Variants in TTC28 observed in about 807,000 individuals in gnomAD.
TTC28 encodes tetratricopeptide repeat protein 28.
TTC28 carries 61 observed loss-of-function variants against 198.0 expected under a neutral mutation model. The ratio of observed to expected loss-of-function variants is 0.31; its 90% CI spans 0.25 to 0.38. The LOEUF (loss-of-function observed/expected upper bound fraction) is 0.38. Ranked by LOEUF, TTC28 falls within the 10% of genes least tolerant of loss-of-function variation. The pLI is 1.00. For synonymous variants in TTC28, 1,171 were observed against 1,297.8 expected (o/e 0.90, Z 2.10); for missense variants, 2,678 against 3,164.0 (o/e 0.85, Z 3.69).
intron 6 of TTC28, among the ~76,000 whole-genome samples, chr22:28,120,122 T>C (rs1488522294): frequency 6.6e-6 from 1 of 152,092 alleles, no homozygotes; most frequent in African/African-American, 2.4e-5. Context: ...ATAATGATAA[T>C]ATACAAAATT....
intron 12 of TTC28, among the ~76,000 whole-genome samples, chr22:28,066,296 G>A: frequency 6.6e-6 from 1 of 151,026 alleles, no homozygotes; most frequent in Non-Finnish European, 1.5e-5. Flanking sequence ...GTGTGTGTGT[G>A]TGTGTGTGGT....
rs188139690 is a variant in TTC28, at chr22:28,373,491, T to A, written c.382-66848A>T. ...AGAGATAGTGAAGAAGTTCAGAATC[T>A]ACAGATTGCAACCACATCTTCAAAA... On this transcript the variant is annotated intron_variant, in intron 2 of 22. Transcript: ENST00000397906. 7.4e-3 allele frequency among the ~76,000 whole-genome samples: 1,130 copies of A among 152,306 alleles called. 15 individuals carry two copies. Among genetic ancestry groups the A allele is most frequent in the Non-Finnish European group, 7.9e-3 (540 of 68,036 alleles).
chr22:28,242,551 G>A (rs1929730559), intron 5 of TTC28, among the ~76,000 whole-genome samples: 1 of 152,118 alleles, frequency 6.6e-6, no homozygotes, highest in Non-Finnish European at 1.5e-5. Flanking sequence ...ATTGTAAATG[G>A]ACGTGGTTTA....
chr22:28,345,928 C>G (rs999657453), intron 2 of TTC28, among the ~76,000 whole-genome samples: 2 of 152,076 alleles, frequency 1.3e-5, no homozygotes, highest in Admixed American at 1.3e-4. Context: ...CTATAAGTAA[C>G]CTGAATCAGT....
intron 1 of TTC28, among the ~76,000 whole-genome samples, chr22:28,643,741 T>TA (rs1360850775): frequency 6.6e-6 from 1 of 152,222 alleles, no homozygotes; most frequent in Non-Finnish European, 1.5e-5. Context: ...GAGACTTTAA[T>TA]ATGTTAACGT....
At chr22:28,434,976 T>C (rs1192378956) in intron 2 of TTC28, among the ~76,000 whole-genome samples, 3 of 152,196 alleles carry the variant, frequency 2.0e-5, no homozygotes, top group Admixed American at 6.5e-5. Flanking sequence ...GCTGGAAATA[T>C]GGGTGCATTC....
chr22:28,192,012 C>T (rs1015192311), intron 5 of TTC28, among the ~76,000 whole-genome samples: 4 of 152,162 alleles, frequency 2.6e-5, no homozygotes, highest in African/African-American at 4.8e-5. Flanking sequence ...CCCTGACCGC[C>T]GAGTAGCCTA....
chr22:28,635,822 A>C (rs913062424), intron 1 of TTC28, among the ~76,000 whole-genome samples: 1 of 152,144 alleles, frequency 6.6e-6, no homozygotes, highest in African/African-American at 2.4e-5. Flanking sequence ...TGGTGAAAAT[A>C]CTTAAGATCT....
At chr22:28,256,003 T>G (rs1930884938) in intron 5 of TTC28, among the ~76,000 whole-genome samples, 1 of 151,824 alleles carries the variant, frequency 6.6e-6, no homozygotes, top group South Asian at 2.1e-4. Context: ...AAAGGAAGAG[T>G]GACTAGTCAG....
At chr22:28,636,211 T>C (rs1436634451) in intron 1 of TTC28, among the ~76,000 whole-genome samples, 1 of 136,062 alleles carries the variant, frequency 7.3e-6, no homozygotes, top group Non-Finnish European at 1.5e-5. Flanking sequence ...CTGCAAGCTC[T>C]GCTTCCTGGG....
chr22:28,037,254 C>T lies in TTC28; in HGVS notation c.3933-6888G>A, dbSNP rs1010690650. Reference sequence around the variant, plus strand: ...GGCCAATATCCCTGACGACCATCGACGCAAAAATCCTCAATAAAATACTGG... The same window carrying T: ...GGCCAATATCCCTGACGACCATCGATGCAAAAATCCTCAATAAAATACTGG... On this transcript the variant is annotated intron_variant, in intron 12 of 22. Coordinates refer to ENST00000397906, the MANE Select transcript of TTC28 (RefSeq NM_001145418.2). Among the ~76,000 whole-genome samples, 7 of 152,158 alleles carry T rather than the reference C, an allele frequency of 4.6e-5. No homozygotes were observed. In the East Asian group the frequency reaches 5.8e-4, roughly 13 times the overall value.
At chr22:28,166,719 AG>A (rs1241306268) in intron 5 of TTC28, among the ~76,000 whole-genome samples, 2 of 152,246 alleles carry the variant, frequency 1.3e-5, no homozygotes, top group Non-Finnish European at 2.9e-5. Flanking sequence ...AAGAGAAAGC[AG>A]GAAAGATCTA....
At chr22:28,600,490 CAAAAGT>C (rs1360057588) in intron 2 of TTC28, among the ~76,000 whole-genome samples, 3 of 152,082 alleles carry the variant, frequency 2.0e-5, no homozygotes, top group Non-Finnish European at 2.9e-5. Context: ...ATAGAGCATG[CAAAAGT>C]AAGTGTAAAA....
intron 5 of TTC28, among the ~76,000 whole-genome samples, chr22:28,209,462 T>C (rs1601479363): frequency 6.6e-6 from 1 of 152,194 alleles, no homozygotes; most frequent in East Asian, 1.9e-4. Flanking sequence ...TCCAACAGTC[T>C]TAGCAAATGG....
In TTC28 at chr22:28,571,676, G is replaced by A. The variant is rs190781511; in HGVS notation, c.381+57876C>T. On this transcript the variant is annotated intron_variant, in intron 2 of 22. Transcript: ENST00000397906. ...CATAATGTATACTCAGGCTGGGCACGGTGGTTCATGCCTGTAATCCCAACA... is the reference window on the plus strand; with the variant it reads ...CATAATGTATACTCAGGCTGGGCACAGTGGTTCATGCCTGTAATCCCAACA... 2.0e-3 allele frequency among the ~76,000 whole-genome samples: 304 copies of A among 152,254 alleles called. 3 individuals are homozygous for A. The highest frequency in any genetic ancestry group is 7.0e-3 in the African/African-American group (290 of 41,546).
chr22:28,226,629 T>C (rs368168296), intron 5 of TTC28, among the ~76,000 whole-genome samples: 8 of 152,284 alleles, frequency 5.3e-5, no homozygotes, highest in African/African-American at 1.9e-4. Context: ...GGTTTCACCA[T>C]GTTGGCCAGG....
At chr22:28,421,748 C>A (rs2047257228) in intron 2 of TTC28, among the ~76,000 whole-genome samples, 1 of 151,960 alleles carries the variant, frequency 6.6e-6, no homozygotes, top group Admixed American at 6.6e-5. Context: ...GAGATCGAGA[C>A]CATCCTGGCT....
chr22:28,004,124 C>T (rs926305430), intron 14 of TTC28, among the ~76,000 whole-genome samples: 5 of 152,342 alleles, frequency 3.3e-5, no homozygotes, highest in South Asian at 2.1e-4. Flanking sequence ...CCCAGGCTGA[C>T]GCTGGGCCCA....
chr22:28,038,137 A>C (rs953836433), intron 12 of TTC28, among the ~76,000 whole-genome samples: 3 of 152,202 alleles, frequency 2.0e-5, no homozygotes, highest in South Asian at 2.1e-4. Flanking sequence ...CAAGCTACCA[A>C]TGACTTTCTT....
Sources: gnomAD v4.1 joint callset for allele counts (sites outside exome capture counted in the v4.1 genomes callset) on GRCh38, gnomAD v4.1.1 for gene constraint, MANE v1.5 for transcripts, NCBI Gene and HGNC (gene_info 2026-07-23, HGNC 2026-07-21) for gene names.